The following TPD52L2 variants were observed in gnomAD, a reference collection of about 807,000 sequenced individuals.
TPD52L2 encodes TPD52 like 2.
TPD52L2 carries 19 observed loss-of-function variants against 24.7 expected under a neutral mutation model. That is an observed-to-expected ratio of 0.77 (90% confidence interval 0.54 to 1.13). The LOEUF (loss-of-function observed/expected upper bound fraction) is 1.13, where lower values mean the gene tolerates loss of function less well. Among genes scored for constraint, TPD52L2 ranks in the 50% most tolerant of loss-of-function variants. The pLI is 0.00. For synonymous variants in TPD52L2, 104 were observed against 100.2 expected (o/e 1.04, Z -0.23); for missense variants, 236 against 250.4 (o/e 0.94, Z 0.39).
chr20:63,865,475 C>T (rs913556831), intron 1 of TPD52L2, 91 bp downstream of exon 1: 8 of 1,458,584 alleles, frequency 5.5e-6, no homozygotes, highest in Admixed American at 4.8e-5. Flanking sequence ...ACTCTCTGTC[C>T]TCTCGGTCTC....
intron 2 of TPD52L2, among the ~76,000 whole-genome samples, chr20:63,872,462 C>T (rs557660341): frequency 9.9e-5 from 15 of 151,572 alleles, no homozygotes; most frequent in Non-Finnish European, 2.1e-4. Flanking sequence ...ACTGCAACCT[C>T]TGTCTCCTGG....
intron 5 of TPD52L2, among the ~76,000 whole-genome samples, chr20:63,883,662 G>A (rs2052984170): frequency 6.6e-6 from 1 of 152,066 alleles, no homozygotes; most frequent in Non-Finnish European, 1.5e-5. Flanking sequence ...ATCTCAGGGA[G>A]TGCCTCCCTG....
In TPD52L2 at chr20:63,865,342, C is replaced by T. The variant is rs530989477; in HGVS notation, c.-24C>T. ...CGCTCGGCTCCCATAGCGCCCGCGA[C>T]AGCGGTCCGGACGCCGCCCGAACAT... is the stretch of plus-strand genomic sequence containing the variant. On this transcript the variant is annotated 5_prime_UTR_variant, in exon 1 of 7. Coordinates refer to ENST00000346249, the MANE Select transcript of TPD52L2 (RefSeq NM_003288.4). The T allele has an allele frequency of 2.6e-4, 394 of 1,522,886 alleles. No individual in the cohort carries two copies. In the African/African-American group the frequency reaches 3.6e-3, roughly 14 times the overall value. The allele number at this position is 1,522,886 out of a possible 1,614,324, so 94.3% of individuals were successfully genotyped here.
Position 63,880,936 on chromosome 20 carries a change from A to T in TPD52L2, c.375-1783A>T, listed in dbSNP as rs566373243. Among the ~76,000 whole-genome samples, 13 of 152,222 alleles carry T rather than the reference A, an allele frequency of 8.5e-5. No individual in the cohort carries two copies. In the South Asian group the frequency reaches 1.9e-3, roughly 22 times the overall value. On this transcript the variant is annotated intron_variant, in intron 4 of 6. Transcript: ENST00000346249. The stretch of plus-strand genomic sequence containing the variant: ...TTGTGTTTTTGAAACTAAATATAGC[A>T]GGTCATTAGTTACTTATAACTGGTG...
At chr20:63,865,521 G>C in intron 1 of TPD52L2, 137 bp downstream of exon 1, 1 of 1,183,446 alleles carries the variant, frequency 8.4e-7, no homozygotes, top group Non-Finnish European at 1.1e-6. Flanking sequence ...TCAGCTCCCG[G>C]GGCCACTGAC....
At chr20:63,886,529 T>A (rs1200696396) in intron 5 of TPD52L2, among the ~76,000 whole-genome samples, 2 of 151,916 alleles carry the variant, frequency 1.3e-5, no homozygotes, top group African/African-American at 2.4e-5. Flanking sequence ...GCCCGGCTAA[T>A]TTTTTGTATT....
intron 2 of TPD52L2, among the ~76,000 whole-genome samples, chr20:63,871,801 T>G (rs540515664): frequency 6.6e-6 from 1 of 151,904 alleles, no homozygotes; most frequent in Non-Finnish European, 1.5e-5. Context: ...GCCTGGCTAA[T>G]TTTTGTATTT....
chr20:63,867,633 G>C (rs536365170), intron 1 of TPD52L2, among the ~76,000 whole-genome samples: 1 of 151,990 alleles, frequency 6.6e-6, no homozygotes, highest in African/African-American at 2.4e-5. Context: ...TTTGTGGAGC[G>C]CCAAGGAAGT....
chr20:63,889,413 T>G (rs1052364369), intron 6 of TPD52L2, among the ~76,000 whole-genome samples, 175 bp downstream of exon 6: 2 of 152,154 alleles, frequency 1.3e-5, no homozygotes, highest in African/African-American at 4.8e-5. Flanking sequence ...TGGAAAATCC[T>G]GTAGTGCAGC....
At chr20:63,875,544 C>G (rs2052640303) in intron 3 of TPD52L2, among the ~76,000 whole-genome samples, 1 of 152,242 alleles carries the variant, frequency 6.6e-6, no homozygotes, top group African/African-American at 2.4e-5. Flanking sequence ...CACAGCAGTG[C>G]TGTTGCCCAA....
chr20:63,871,401 G>C (rs796678413), intron 2 of TPD52L2, among the ~76,000 whole-genome samples: 4 of 151,928 alleles, frequency 2.6e-5, no homozygotes, highest in African/African-American at 9.7e-5. Flanking sequence ...CCAGGCTGGA[G>C]TGCAGTGGCG....
rs2052176851 is a variant in TPD52L2, at chr20:63,865,447, C to T, written c.19+63C>T. ...CCAGGCTGCCCGTTGTTCTCCGTCT[C>T]CCGGGGTCGCGTCTGCGACTCTCTG... is the stretch of plus-strand genomic sequence containing the variant. On this transcript the variant is annotated intron_variant, in intron 1 of 6. Coordinates refer to ENST00000346249, the MANE Select transcript of TPD52L2 (RefSeq NM_003288.4). 4.1e-5 allele frequency: 61 copies of T among 1,490,740 alleles called. 1 individual carries two copies. In the South Asian group the frequency reaches 6.5e-4, roughly 16 times the overall value. The allele number at this position is 1,490,740 out of a possible 1,614,324, so 92.3% of individuals were successfully genotyped here.
At chr20:63,886,629 G>A (rs1271629681) in intron 5 of TPD52L2, among the ~76,000 whole-genome samples, 62 of 151,686 alleles carry the variant, frequency 4.1e-4, no homozygotes, top group East Asian at 3.9e-4. Context: ...GATTACAAGC[G>A]TGAGCCACCG....
chr20:63,870,581 T>C (rs1452904686), intron 2 of TPD52L2, among the ~76,000 whole-genome samples: 1 of 139,346 alleles, frequency 7.2e-6, no homozygotes, highest in East Asian at 2.3e-4. Flanking sequence ...TGGAGTGCAG[T>C]GGCGCAATCT....
chr20:63,874,568 C>T (rs994305933), intron 3 of TPD52L2, among the ~76,000 whole-genome samples: 1 of 151,902 alleles, frequency 6.6e-6, no homozygotes, highest in African/African-American at 2.4e-5. Flanking sequence ...GAGACAGGGT[C>T]TTGCTTTGCT....
intron 4 of TPD52L2, among the ~76,000 whole-genome samples, chr20:63,881,574 C>G (rs538416669): frequency 2.0e-5 from 3 of 152,256 alleles, no homozygotes; most frequent in African/African-American, 7.2e-5. Context: ...CCGGAAGGCC[C>G]ATCATTGGGA....
At chr20:63,882,516 A>G (rs1313804413) in intron 4 of TPD52L2, among the ~76,000 whole-genome samples, 2 of 152,220 alleles carry the variant, frequency 1.3e-5, no homozygotes, top group Non-Finnish European at 2.9e-5. Context: ...AGCAATGCAC[A>G]GGCGGCTCCT....
chr20:63,889,422 G>C (rs2053252492), intron 6 of TPD52L2, among the ~76,000 whole-genome samples, 184 bp downstream of exon 6: 1 of 152,012 alleles, frequency 6.6e-6, no homozygotes, highest in African/African-American at 2.4e-5. Context: ...CTGTAGTGCA[G>C]CCTCCCCACC....
At chr20:63,885,530 A>G (rs2053059495) in intron 5 of TPD52L2, among the ~76,000 whole-genome samples, 1 of 152,238 alleles carries the variant, frequency 6.6e-6, no homozygotes, top group South Asian at 2.1e-4. Context: ...GGTGTCCCAC[A>G]TCCTCCCACG....
Sources: allele counts gnomAD v4.1 joint callset (sites outside exome capture counted in the v4.1 genomes callset), GRCh38; gene constraint gnomAD v4.1.1; transcripts MANE v1.5; gene names NCBI Gene and HGNC (gene_info 2026-07-23, HGNC 2026-07-21).